Variants in ZNF420 observed in about 807,000 individuals in gnomAD.
The protein encoded by ZNF420 is ATM and p53-associated KZNF protein.
Under a neutral mutation model 44.7 loss-of-function variants are expected in ZNF420, and 31 were observed. The observed-to-expected ratio is 0.69, with a 90% confidence interval of 0.52 to 0.94. The LOEUF (loss-of-function observed/expected upper bound fraction) is 0.94. Among genes scored for constraint, ZNF420 ranks in the 40% least tolerant of loss-of-function variants. ZNF420 has a pLI of 0.00. For missense variants in ZNF420, 681 were observed against 827.9 expected, an observed-to-expected ratio of 0.82 and a Z score of 2.18; for synonymous variants, 245 against 267.4, an observed-to-expected ratio of 0.92 and a Z score of 0.82.
intron 2 of ZNF420, among the ~76,000 whole-genome samples, chr19:37,086,999 T>G (rs1033876883): frequency 6.6e-6 from 1 of 152,070 alleles, no homozygotes; most frequent in Non-Finnish European, 1.5e-5. Flanking sequence ...TAAGAAGAGC[T>G]TAGGGCCACA....
intron 4 of ZNF420, among the ~76,000 whole-genome samples, chr19:37,118,635 T>G (rs1970833739): frequency 6.6e-6 from 1 of 151,954 alleles, no homozygotes. Flanking sequence ...ACTTTAAATG[T>G]AAATGGGCTA....
chr19:37,053,774 G>A (rs111809291), intron 1 of ZNF420, among the ~76,000 whole-genome samples: 1 of 152,108 alleles, frequency 6.6e-6, no homozygotes, highest in Non-Finnish European at 1.5e-5. Context: ...GCCCCTACTG[G>A]GGAGTGCCTC....
chr19:37,114,017 T>C (rs1779013384), intron 4 of ZNF420, among the ~76,000 whole-genome samples: 1 of 152,178 alleles, frequency 6.6e-6, no homozygotes, highest in Non-Finnish European at 1.5e-5. Flanking sequence ...ACTCCCTCTT[T>C]CATATCTTTT....
At position 37,032,148 on chromosome 19, in the gene ZNF420, T is replaced by C. The variant is rs144659705; in HGVS notation, c.-125+24066T>C. ...TCACGGGGTCAGAAGATTGAGACCA[T>C]CCTGGCAAACATGGTGAAACCCTAT... On this transcript the variant is annotated intron_variant, in intron 1 of 4. Coordinates refer to the ZNF420 transcript ENST00000587029. 2.7e-4 allele frequency among the ~76,000 whole-genome samples: 41 copies of C among 151,430 alleles called. No individual in the cohort carries two copies. In the East Asian group the frequency reaches 5.2e-3, roughly 19 times the overall value.
At chr19:37,008,097 A>C (rs1221174989) in intron 1 of ZNF420, 1 of 271,240 alleles carries the variant, frequency 3.7e-6, no homozygotes, top group Non-Finnish European at 7.1e-6. Context: ...GTCTCCCCAA[A>C]AGTCGTGCCC....
chr19:37,037,683 AAAG>A (rs1195389835), intron 1 of ZNF420, among the ~76,000 whole-genome samples: 2 of 152,184 alleles, frequency 1.3e-5, no homozygotes, highest in Admixed American at 1.3e-4. Context: ...TTCTGGCAGA[AAAG>A]AAGTCCATGG....
intron 1 of ZNF420, among the ~76,000 whole-genome samples, chr19:37,013,838 C>T (rs2074589988): frequency 6.6e-6 from 1 of 152,198 alleles, no homozygotes; most frequent in African/African-American, 2.4e-5. Flanking sequence ...CCAGTGCCAA[C>T]AGGGCCAGGG....
upstream of ZNF420, chr19:37,075,127 A>G (rs1968123750): frequency 6.6e-6 from 1 of 152,248 alleles, no homozygotes; most frequent in Non-Finnish European, 1.5e-5. Context: ...CCAGGGTCAG[A>G]CACTATAACG....
intron 1 of ZNF420, among the ~76,000 whole-genome samples, chr19:37,058,317 C>T (rs1431870630): frequency 6.6e-6 from 1 of 152,148 alleles, no homozygotes; most frequent in Non-Finnish European, 1.5e-5. Flanking sequence ...GGGTGGATTG[C>T]CTAGAATGAG....
At chr19:37,057,902 G>A (rs960364096) in intron 1 of ZNF420, among the ~76,000 whole-genome samples, 2 of 152,172 alleles carry the variant, frequency 1.3e-5, no homozygotes, top group African/African-American at 4.8e-5. Flanking sequence ...CCACGATACA[G>A]TCTTAAAGAG....
At chr19:37,102,428 G>C (rs1199544227) in intron 4 of ZNF420, among the ~76,000 whole-genome samples, 1 of 152,216 alleles carries the variant, frequency 6.6e-6, no homozygotes. Context: ...TACCAGGACT[G>C]TTGTCAGCAG....
intron 1 of ZNF420, among the ~76,000 whole-genome samples, chr19:37,056,535 C>T (rs1967757545): frequency 6.6e-6 from 1 of 152,146 alleles, no homozygotes; most frequent in Non-Finnish European, 1.5e-5. Context: ...CGCAGGAGCC[C>T]CAGGGCTTTG....
In ZNF420 at chr19:37,119,870, AGAAGAAATG is replaced by A. The variant is rs369077434; in HGVS notation, c.137-7255_137-7247del. Among the ~76,000 whole-genome samples, 936 of 152,328 alleles carry A rather than the reference AGAAGAAATG, an allele frequency of 6.1e-3. 22 individuals are homozygous for A. Among genetic ancestry groups the A allele is most frequent in the East Asian group, 0.049 (257 of 5,192 alleles). On this transcript the variant is annotated intron_variant, in intron 4 of 4. Transcript: ENST00000337995. ...TCTATGCAAATAAACTAGAAAATCT[AGAAGAAATG>A]GATAAATTCCTTGACACATACACCC...
intron 4 of ZNF420, among the ~76,000 whole-genome samples, chr19:37,113,186 A>G (rs760285980): frequency 1.3e-5 from 2 of 152,092 alleles, no homozygotes; most frequent in Non-Finnish European, 2.9e-5. Context: ...GACTAGCCCA[A>G]TGTTTTCCTT....
chr19:37,127,064 C>T, intron 4 of ZNF420, 64 bp from the exon 5 acceptor site: 1 of 1,323,012 alleles, frequency 7.6e-7, no homozygotes. Flanking sequence ...CATTATTTTC[C>T]TATTATTTGT....
At chr19:37,073,652 A>G (rs1207006757), upstream of ZNF420, among the ~76,000 whole-genome samples, 1 of 151,880 alleles carries the variant, frequency 6.6e-6, no homozygotes, top group Non-Finnish European at 1.5e-5. Context: ...GAGACAGGAG[A>G]ACTGCCTGAC....
intron 2 of ZNF420, 127 bp downstream of exon 2, chr19:37,080,515 G>A (rs902161979): frequency 6.6e-6 from 1 of 152,570 alleles, no homozygotes; most frequent in East Asian, 1.9e-4. Context: ...GGTAGATTGA[G>A]AGCAAAGAAA....
chr19:37,101,086 A>G (rs1419397753), intron 4 of ZNF420, among the ~76,000 whole-genome samples: 2 of 147,658 alleles, frequency 1.4e-5, no homozygotes, highest in Non-Finnish European at 3.0e-5. Flanking sequence ...TTATTTTTGT[A>G]CATTGATTTT....
chr19:37,083,598 T>C (rs538227120), intron 2 of ZNF420, among the ~76,000 whole-genome samples: 1 of 152,354 alleles, frequency 6.6e-6, no homozygotes, highest in South Asian at 2.1e-4. Flanking sequence ...GTTCCATGTA[T>C]GGCAAGTGGA....
Sources: gnomAD v4.1 joint callset for allele counts (sites outside exome capture counted in the v4.1 genomes callset) on GRCh38, gnomAD v4.1.1 for gene constraint, MANE v1.5 for transcripts, NCBI Gene and HGNC (gene_info 2026-07-23, HGNC 2026-07-21) for gene names.